Variants in SMYD3 observed in about 807,000 individuals in gnomAD.
The protein encoded by SMYD3 is histone-lysine N-methyltransferase SMYD3.
Under a neutral mutation model 57.7 loss-of-function variants are expected in SMYD3, and 36 were observed. The observed-to-expected ratio is 0.62, with a 90% confidence interval of 0.48 to 0.82. The LOEUF (loss-of-function observed/expected upper bound fraction) is 0.82. SMYD3 is among the 40% of genes least tolerant of loss of function. SMYD3 has a pLI of 0.00. For missense variants in SMYD3, 515 were observed against 538.8 expected (o/e 0.96, Z 0.44); for synonymous variants, 211 against 195.0 (o/e 1.08, Z -0.68).
rs187636700 is a variant in SMYD3, at chr1:246,491,367, G to A, written c.164+15687C>T. Among the ~76,000 whole-genome samples, 227 of 152,200 alleles carry A rather than the reference G, an allele frequency of 1.5e-3. 2 individuals carry two copies. The highest frequency in any genetic ancestry group is 2.0e-3 in the Non-Finnish European group (139 of 67,994). ...AGCCTGGCCAACATGGCAAAACTCC[G>A]TCTGTACTAAAAATACAAAAAAATT... On this transcript the variant is annotated intron_variant, in intron 1 of 11. Coordinates refer to ENST00000490107, the MANE Select transcript of SMYD3 (RefSeq NM_001167740.2).
At chr1:245,932,435 T>C (rs192640956) in intron 5 of SMYD3, among the ~76,000 whole-genome samples, 1 of 152,354 alleles carries the variant, frequency 6.6e-6, no homozygotes, top group East Asian at 1.9e-4. Context: ...GATCATTATT[T>C]ACCCATTTAC....
intron 5 of SMYD3, among the ~76,000 whole-genome samples, chr1:246,268,135 GAC>G (rs1329114555): frequency 2.6e-5 from 4 of 152,220 alleles, no homozygotes; most frequent in African/African-American, 9.6e-5. Context: ...TGCATTCCCA[GAC>G]AATTAACGCA....
chr1:245,827,240 T>C (rs78727765), intron 10 of SMYD3, among the ~76,000 whole-genome samples: 6,128 of 152,214 alleles, frequency 0.04, 279 homozygotes, highest in African/African-American at 0.11. Context: ...CCCAGCTCCC[T>C]CTGACTCTAC....
chr1:246,170,956 C>A (rs997803655), intron 5 of SMYD3, among the ~76,000 whole-genome samples: 1 of 152,156 alleles, frequency 6.6e-6, no homozygotes, highest in South Asian at 2.1e-4. Flanking sequence ...ATTTTTCAAA[C>A]AACCCTCTAA....
At chr1:245,950,920 T>C (rs1445051044) in intron 5 of SMYD3, among the ~76,000 whole-genome samples, 3 of 152,154 alleles carry the variant, frequency 2.0e-5, no homozygotes, top group African/African-American at 7.2e-5. Flanking sequence ...ATAATTTGGG[T>C]AGGGAAACTG....
intron 5 of SMYD3, 87 bp from the exon 6 acceptor site, chr1:245,930,024 T>A (rs1572718328): frequency 1.8e-6 from 2 of 1,088,014 alleles, no homozygotes; most frequent in African/African-American, 1.5e-5. Flanking sequence ...CAAACCCAAA[T>A]GTAGGAGCAT....
chr1:246,505,626 C>G (rs556157342), intron 1 of SMYD3, among the ~76,000 whole-genome samples: 1 of 151,814 alleles, frequency 6.6e-6, no homozygotes, highest in Non-Finnish European at 1.5e-5. Context: ...CTGAGAACTC[C>G]CCCAAAACTC....
chr1:246,108,136 C>T (rs906727664), intron 5 of SMYD3, among the ~76,000 whole-genome samples: 2 of 152,128 alleles, frequency 1.3e-5, no homozygotes, highest in African/African-American at 4.8e-5. Context: ...AGGAAGAATT[C>T]GAAAGAGGAA....
chr1:245,897,993 G>C (rs1368666495), intron 8 of SMYD3, among the ~76,000 whole-genome samples: 4 of 152,164 alleles, frequency 2.6e-5, no homozygotes, highest in African/African-American at 9.7e-5. Context: ...AATGCTTTGT[G>C]AGTGCCTCAG....
intron 5 of SMYD3, among the ~76,000 whole-genome samples, chr1:246,199,750 A>C (rs1160344476): frequency 6.6e-6 from 1 of 152,270 alleles, no homozygotes; most frequent in Admixed American, 6.5e-5. Context: ...AAACAAAGTA[A>C]ACACGGAGAT....
At chr1:246,450,379 G>C (rs970964454) in intron 1 of SMYD3, among the ~76,000 whole-genome samples, 2 of 151,918 alleles carry the variant, frequency 1.3e-5, no homozygotes, top group Non-Finnish European at 1.5e-5. Context: ...CAATAAATCA[G>C]GCTGCTCTCT....
intron 10 of SMYD3, among the ~76,000 whole-genome samples, chr1:245,789,433 C>G (rs1190954159): frequency 6.6e-6 from 1 of 151,952 alleles, no homozygotes; most frequent in African/African-American, 2.4e-5. Context: ...AGGAAATATT[C>G]CAATAAAAAA....
intron 10 of SMYD3, among the ~76,000 whole-genome samples, chr1:245,777,550 T>TG (rs1442131027): frequency 6.6e-6 from 1 of 152,052 alleles, no homozygotes; most frequent in Admixed American, 6.6e-5. Context: ...CCTGGATAAC[T>TG]GGGAAATTGC....
intron 5 of SMYD3, among the ~76,000 whole-genome samples, chr1:246,088,559 G>T (rs6677587): frequency 7.4e-6 from 1 of 135,916 alleles, no homozygotes; most frequent in South Asian, 2.5e-4. Context: ...GCAGTGAGCC[G>T]AGATCATGCC....
rs914009606 is a variant in SMYD3 at position 245,816,637 on chromosome 1, C to T, written c.1076+41859G>A. ...ATTTCTGCATTTCCATCTGAGGTAC[C>T]GGGTTCATCTCACTAGGGAGTGCCA... On this transcript the variant is annotated intron_variant, in intron 10 of 11. Coordinates refer to ENST00000490107, the MANE Select transcript of SMYD3 (RefSeq NM_001167740.2). 7.2e-5 allele frequency among the ~76,000 whole-genome samples: 11 copies of T among 151,810 alleles called. No homozygotes were observed. In the South Asian group the frequency reaches 1.0e-3, roughly 14 times the overall value.
rs144009605 is a variant in SMYD3, at chr1:246,165,235, GAAGT to G, written c.531+161962_531+161965del. On this transcript the variant is annotated intron_variant, in intron 5 of 11. Coordinates refer to ENST00000490107, the MANE Select transcript of SMYD3 (RefSeq NM_001167740.2). ...CGCCAGACTACAGCGGAGGTGACAA[GAAGT>G]AAGAAAGTGAAGACTAAAAATGTAA... is the stretch of plus-strand genomic sequence containing the variant. 1.6e-3 allele frequency among the ~76,000 whole-genome samples: 242 copies of G among 152,290 alleles called. 1 individual carries two copies. Among genetic ancestry groups the G allele is most frequent in the Non-Finnish European group, 2.6e-3 (180 of 68,020 alleles).
At chr1:246,332,500 C>G (rs1169016371) in intron 3 of SMYD3, among the ~76,000 whole-genome samples, 1 of 152,224 alleles carries the variant, frequency 6.6e-6, no homozygotes, top group Non-Finnish European at 1.5e-5. Context: ...AAGAAGCCAT[C>G]TCCATAACAT....
At chr1:245,865,008 C>T (rs1242866175) in intron 8 of SMYD3, among the ~76,000 whole-genome samples, 1 of 152,196 alleles carries the variant, frequency 6.6e-6, no homozygotes, top group South Asian at 2.1e-4. Flanking sequence ...AGGTCCTCTG[C>T]TTCCGGTTGG....
chr1:246,085,590 G>C (rs2060709202), intron 5 of SMYD3, among the ~76,000 whole-genome samples: 2 of 152,036 alleles, frequency 1.3e-5, no homozygotes, highest in Non-Finnish European at 2.9e-5. Context: ...GTCTTACTAA[G>C]CATCCTCCAG....
Sources: allele counts gnomAD v4.1 joint callset (sites outside exome capture counted in the v4.1 genomes callset), GRCh38; gene constraint gnomAD v4.1.1; transcripts MANE v1.5; gene names NCBI Gene and HGNC (gene_info 2026-07-23, HGNC 2026-07-21).